The following LRRC37A2 variants were observed in gnomAD, a reference collection of about 807,000 sequenced individuals.
LRRC37A2 encodes leucine rich repeat containing 37 member A2, also known as leucine-rich repeat-containing protein 37A2.
Under a neutral mutation model 68.8 loss-of-function variants are expected in LRRC37A2, and 9 were observed. The ratio of observed to expected loss-of-function variants is 0.13; its 90% CI spans 0.08 to 0.23. The LOEUF is 0.23. Among genes scored for constraint, LRRC37A2 ranks in the 10% least tolerant of loss-of-function variants. The probability of loss-of-function intolerance (pLI) is 1.00; values close to 1 mark genes in which losing one functional copy is unlikely to be tolerated. For missense variants in LRRC37A2, 168 were observed against 950.4 expected, an observed-to-expected ratio of 0.18 and a Z score of 10.82; for synonymous variants, 63 against 367.6, an observed-to-expected ratio of 0.17 and a Z score of 9.48.
At chr17:47,019,900 T>G in the LRRC37A2 span, 3,154 of 735,752 alleles carry the variant, frequency 4.3e-3, 13 homozygotes, top group Non-Finnish European at 5.3e-3. Flanking sequence ...CCAAGCCATA[T>G]GGACAACTGA....
chr17:46,492,702 T>G, the LRRC37A2 span, among the ~76,000 whole-genome samples: 4 of 143,930 alleles, frequency 2.8e-5, no homozygotes, highest in South Asian at 2.1e-4. Flanking sequence ...TTTTTTTTTT[T>G]TTTTTTTTTG....
At chr17:46,923,176 C>A in the LRRC37A2 span, 2 of 1,519,696 alleles carry the variant, frequency 1.3e-6, no homozygotes, top group Non-Finnish European at 1.8e-6. Context: ...GGAGCCGTGG[C>A]CTGCGGGGCC....
chr17:46,934,976 C>T, the LRRC37A2 span: 59 of 1,558,358 alleles, frequency 3.8e-5, no homozygotes, highest in Non-Finnish European at 5.1e-5. Context: ...CAGTGAGACC[C>T]CAGGAACTGA....
chr17:46,804,446 C>A, the LRRC37A2 span, among the ~76,000 whole-genome samples: 2 of 152,182 alleles, frequency 1.3e-5, no homozygotes, highest in Admixed American at 6.5e-5. Context: ...TGAGGGCAGG[C>A]ATGCTGGATT....
At chr17:47,035,185 C>T in the LRRC37A2 span, 14 of 152,308 alleles carry the variant, frequency 9.2e-5, no homozygotes, top group East Asian at 1.5e-3. Context: ...ATACCATCAA[C>T]GCAGTATTAT....
chr17:46,982,519 C>G, the LRRC37A2 span, among the ~76,000 whole-genome samples: 18 of 152,226 alleles, frequency 1.2e-4, no homozygotes, highest in Non-Finnish European at 2.9e-5. Flanking sequence ...CCTTTGGGTT[C>G]TGCTGGACTG....
At chr17:46,492,577 A>G in the LRRC37A2 span, among the ~76,000 whole-genome samples, 3 of 150,338 alleles carry the variant, frequency 2.0e-5, no homozygotes, top group Non-Finnish European at 2.9e-5. Flanking sequence ...GAAACTGCCA[A>G]AACTGTTTTC....
chr17:46,978,544 C>G, the LRRC37A2 span: 1 of 1,421,390 alleles, frequency 7.0e-7, no homozygotes, highest in Non-Finnish European at 9.3e-7. Context: ...CACGTAGCTG[C>G]CCGCCCGGAG....
At chr17:47,018,903 C>A in the LRRC37A2 span, 2 of 1,518,682 alleles carry the variant, frequency 1.3e-6, no homozygotes, top group Non-Finnish European at 1.8e-6. Context: ...GAAGGAGACC[C>A]CAACTCAGCC....
the LRRC37A2 span, among the ~76,000 whole-genome samples, chr17:46,822,886 T>A: frequency 6.6e-6 from 1 of 151,734 alleles, no homozygotes; most frequent in South Asian, 2.1e-4. Context: ...CAGTTCTTCC[T>A]GGATCCCGAG....
the LRRC37A2 span, among the ~76,000 whole-genome samples, chr17:46,893,238 G>T: frequency 6.6e-6 from 1 of 152,140 alleles, no homozygotes; most frequent in Non-Finnish European, 1.5e-5. Flanking sequence ...TTGGCTACCT[G>T]AACTTTCTTA....
chr17:46,535,260 TGC>T (rs1252855279), intron 6 of LRRC37A2, among the ~76,000 whole-genome samples: 1 of 147,164 alleles, frequency 6.8e-6, no homozygotes, highest in Non-Finnish European at 1.5e-5. Context: ...TGTGATGAGT[TGC>T]TTTTCTCTTG....
At chr17:46,490,463 C>T in the LRRC37A2 span, among the ~76,000 whole-genome samples, 2 of 151,138 alleles carry the variant, frequency 1.3e-5, no homozygotes, top group Non-Finnish European at 2.9e-5. Flanking sequence ...TGGCTCACAC[C>T]TGTAATCCCA....
chr17:46,382,200 C>G, the LRRC37A2 span, among the ~76,000 whole-genome samples: 1 of 145,094 alleles, frequency 6.9e-6, no homozygotes, highest in Non-Finnish European at 1.5e-5. Flanking sequence ...ATCGCTTGAA[C>G]CTGGGAGGCA....
chr17:46,551,195 C>T (rs1250453782), intron 11 of LRRC37A2, among the ~76,000 whole-genome samples: 5 of 149,272 alleles, frequency 3.3e-5, no homozygotes, highest in South Asian at 4.2e-4. Flanking sequence ...GCTCAGCTTG[C>T]ATCAACTTAC....
the LRRC37A2 span, among the ~76,000 whole-genome samples, chr17:46,729,857 G>T: frequency 6.6e-6 from 1 of 151,264 alleles, no homozygotes; most frequent in South Asian, 2.1e-4. Context: ...TTTTTCTGGA[G>T]TTTTTTTTTA....
chr17:46,781,164 G>C, the LRRC37A2 span, among the ~76,000 whole-genome samples: 1 of 151,472 alleles, frequency 6.6e-6, no homozygotes, highest in Non-Finnish European at 1.5e-5. Flanking sequence ...AGAGGCAGAG[G>C]TTACAGTGAG....
At chr17:47,026,295 CAAG>C in the LRRC37A2 span, among the ~76,000 whole-genome samples, 41 of 152,124 alleles carry the variant, frequency 2.7e-4, no homozygotes, top group Admixed American at 1.2e-3. Flanking sequence ...CCGTAGAGTA[CAAG>C]AAGGGAGAGT....
At chr17:46,723,072 G>A in the LRRC37A2 span, among the ~76,000 whole-genome samples, 1 of 152,248 alleles carries the variant, frequency 6.6e-6, no homozygotes, top group Non-Finnish European at 1.5e-5. Flanking sequence ...GAATTACAGT[G>A]TCTGAGATAA....
Sources: gnomAD v4.1 joint callset for allele counts (sites outside exome capture counted in the v4.1 genomes callset) on GRCh38, gnomAD v4.1.1 for gene constraint, MANE v1.5 for transcripts, NCBI Gene and HGNC (gene_info 2026-07-23, HGNC 2026-07-21) for gene names.